Variants in ANKFN1 observed in about 807,000 individuals in gnomAD.
The protein encoded by ANKFN1 is ankyrin repeat and fibronectin type-III domain-containing protein 1.
In ANKFN1, 74 loss-of-function variants were observed where a neutral mutation model predicts 108.7. The observed-to-expected ratio is 0.68, with a 90% CI of 0.56 to 0.83. ANKFN1 has a LOEUF of 0.83. Ranked by LOEUF, ANKFN1 falls within the 40% of genes least tolerant of loss-of-function variation. The pLI is 0.00. For synonymous variants in ANKFN1, 547 were observed against 516.2 expected, an observed-to-expected ratio of 1.06 and a Z score of -0.81; for missense variants, 1,505 against 1,382.3, an observed-to-expected ratio of 1.09 and a Z score of -1.41.
chr17:56,394,662 T>A (rs2047528419), intron 8 of ANKFN1, among the ~76,000 whole-genome samples: 1 of 151,986 alleles, frequency 6.6e-6, no homozygotes, highest in African/African-American at 2.4e-5. Context: ...CCTCAGGGAC[T>A]GGTGAGCTTC....
intron 1 of ANKFN1, among the ~76,000 whole-genome samples, chr17:56,158,688 C>A (rs1909341197): frequency 6.6e-6 from 1 of 152,082 alleles, no homozygotes; most frequent in Non-Finnish European, 1.5e-5. Context: ...TATAGAGGAG[C>A]CTATGCTGAA....
At chr17:56,385,111 C>T (rs557035914) in intron 8 of ANKFN1, among the ~76,000 whole-genome samples, 1 of 150,998 alleles carries the variant, frequency 6.6e-6, no homozygotes, top group Non-Finnish European at 1.5e-5. Flanking sequence ...GGTACTGGTA[C>T]CAAAACAGAG....
At chr17:56,504,744 C>G (rs1378667462) in intron 20 of ANKFN1, among the ~76,000 whole-genome samples, 1 of 151,886 alleles carries the variant, frequency 6.6e-6, no homozygotes, top group African/African-American at 2.4e-5. Context: ...CAACCTCTGA[C>G]TCCCAGGTTC....
intron 4 of ANKFN1, among the ~76,000 whole-genome samples, chr17:56,047,370 G>A (rs1221824158): frequency 1.3e-5 from 2 of 152,168 alleles, no homozygotes; most frequent in Non-Finnish European, 2.9e-5. Flanking sequence ...GGGGGAGAAC[G>A]AAGGAGCACG....
At chr17:56,226,852 T>TA in intron 2 of ANKFN1, among the ~76,000 whole-genome samples, 1 of 152,214 alleles carries the variant, frequency 6.6e-6, no homozygotes, top group East Asian at 1.9e-4. Flanking sequence ...TCTAACTATT[T>TA]TATATATATT....
At chr17:56,089,031 C>CG (rs1410558850) in intron 4 of ANKFN1, among the ~76,000 whole-genome samples, 5 of 146,596 alleles carry the variant, frequency 3.4e-5, no homozygotes, top group African/African-American at 1.4e-4. Context: ...GGATTGTAAC[C>CG]ACTATACTGA....
At chr17:56,437,973 G>GGTGTGTGTGTGTGTGT (rs150040769) in intron 8 of ANKFN1, among the ~76,000 whole-genome samples, 67 of 142,274 alleles carry the variant, frequency 4.7e-4, no homozygotes, top group Admixed American at 1.4e-3. Flanking sequence ...ATCTACTGTA[G>GGTGTGTGTGTGTGTGT]GTGTGTGTGT....
chr17:56,200,387 A>C (rs1029090350), intron 1 of ANKFN1, among the ~76,000 whole-genome samples: 2 of 152,332 alleles, frequency 1.3e-5, no homozygotes, highest in African/African-American at 4.8e-5. Flanking sequence ...GGCCATGCAC[A>C]AGTCACTTCA....
chr17:56,192,022 T>C (rs987607355), intron 1 of ANKFN1, among the ~76,000 whole-genome samples: 6 of 152,268 alleles, frequency 3.9e-5, no homozygotes, highest in South Asian at 2.1e-4. Context: ...CTGAGGCTTC[T>C]GCATTCTTCA....
intron 8 of ANKFN1, among the ~76,000 whole-genome samples, chr17:56,381,717 G>C (rs570923987): frequency 1.3e-5 from 2 of 152,260 alleles, no homozygotes; most frequent in South Asian, 4.1e-4. Flanking sequence ...GAAATGAAGC[G>C]AGAAGGGAAG....
chr17:56,242,343 A>G (rs2144006761), intron 3 of ANKFN1, among the ~76,000 whole-genome samples: 1 of 152,254 alleles, frequency 6.6e-6, no homozygotes, highest in South Asian at 2.1e-4. Flanking sequence ...TGGGTATAAC[A>G]TATTGTATAA....
At chr17:56,228,358 G>A (rs1454201252) in intron 3 of ANKFN1, 1 of 190,834 alleles carries the variant, frequency 5.2e-6, no homozygotes, top group African/African-American at 2.4e-5. Context: ...CGGCATGGTG[G>A]TAACCTTAAT....
chr17:56,425,995 T>C (rs2048555262), intron 8 of ANKFN1, among the ~76,000 whole-genome samples: 1 of 152,242 alleles, frequency 6.6e-6, no homozygotes, highest in African/African-American at 2.4e-5. Context: ...ATATTTAAAG[T>C]TGGATTTGAT....
intron 3 of ANKFN1, among the ~76,000 whole-genome samples, chr17:56,237,088 C>A (rs1473579611): frequency 6.6e-6 from 1 of 152,128 alleles, no homozygotes; most frequent in Non-Finnish European, 1.5e-5. Flanking sequence ...GTCGAGCCAA[C>A]CTTGCATACC....
intron 3 of ANKFN1, among the ~76,000 whole-genome samples, chr17:56,247,534 G>A (rs2144037001): frequency 6.6e-6 from 1 of 152,226 alleles, no homozygotes; most frequent in East Asian, 1.9e-4. Context: ...TTAGGTGCCA[G>A]GCATTAAAAT....
intron 2 of ANKFN1, among the ~76,000 whole-genome samples, chr17:56,221,771 C>G (rs892260608): frequency 2.0e-5 from 3 of 152,154 alleles, no homozygotes; most frequent in African/African-American, 7.2e-5. Flanking sequence ...ACAGGAGTCC[C>G]CAACACCCTG....
intron 3 of ANKFN1, among the ~76,000 whole-genome samples, chr17:56,285,442 C>T (rs536723404): frequency 6.6e-6 from 1 of 152,176 alleles, no homozygotes; most frequent in Non-Finnish European, 1.5e-5. Flanking sequence ...CTCCAGATGA[C>T]TCCTTTATGC....
At chr17:56,188,382 GT>G (rs1567825505) in intron 1 of ANKFN1, among the ~76,000 whole-genome samples, 3 of 151,236 alleles carry the variant, frequency 2.0e-5, no homozygotes, top group African/African-American at 7.3e-5. Flanking sequence ...CTTCTAGGGG[GT>G]TTAAAAGATG....
chr17:56,192,256 T>C (rs796981972), intron 1 of ANKFN1, among the ~76,000 whole-genome samples: 120 of 146,652 alleles, frequency 8.2e-4, no homozygotes, highest in African/African-American at 2.5e-3. Context: ...TAATTCAAGA[T>C]GGATTAAAGA....
Sources: allele counts gnomAD v4.1 joint callset (sites outside exome capture counted in the v4.1 genomes callset), GRCh38; gene constraint gnomAD v4.1.1; transcripts MANE v1.5; gene names NCBI Gene and HGNC (gene_info 2026-07-23, HGNC 2026-07-21).